The following TRPM3 variants were observed in gnomAD, a reference collection of about 807,000 sequenced individuals.
TRPM3 encodes the protein transient receptor potential cation channel subfamily M member 3.
A neutral mutation model predicts 181.2 loss-of-function variants in TRPM3; 77 were observed. The ratio of observed to expected loss-of-function variants is 0.42; its 90% confidence interval spans 0.35 to 0.51. The LOEUF (loss-of-function observed/expected upper bound fraction) is 0.51, where lower values mean the gene tolerates loss of function less well. TRPM3 is among the 20% of genes least tolerant of loss of function. The pLI is 0.01. For missense variants in TRPM3, 1,759 were observed against 2,196.7 expected (o/e 0.80, Z 3.98); for synonymous variants, 745 against 796.4 (o/e 0.94, Z 1.09).
At chr9:71,369,678 G>A (rs765919093) in intron 1 of TRPM3, among the ~76,000 whole-genome samples, 20 of 152,246 alleles carry the variant, frequency 1.3e-4, no homozygotes, top group Non-Finnish European at 2.4e-4. Context: ...CACCGCGCCC[G>A]GCCGGGAACA....
intron 6 of TRPM3, among the ~76,000 whole-genome samples, chr9:70,805,398 G>T (rs2131309657): frequency 6.6e-6 from 1 of 151,772 alleles, no homozygotes; most frequent in Admixed American, 6.5e-5. Context: ...GCCGGGCATA[G>T]TGGCGGGCGC....
intron 1 of TRPM3, among the ~76,000 whole-genome samples, chr9:71,300,057 A>G (rs1232891544): frequency 6.6e-6 from 1 of 152,100 alleles, no homozygotes; most frequent in Non-Finnish European, 1.5e-5. Context: ...TCGAATTGAC[A>G]ATTATCTCTG....
intron 20 of TRPM3, 99 bp from the exon 21 acceptor site, chr9:70,598,769 G>A: frequency 7.0e-7 from 1 of 1,428,120 alleles, no homozygotes; most frequent in Non-Finnish European, 9.5e-7. Context: ...TTAGTAGCTT[G>A]CTTTGTCTAC....
rs567298515 is a variant in TRPM3 at position 71,050,245 on chromosome 9, G to A, written c.177+70933C>T. Among the ~76,000 whole-genome samples, 270 of 152,236 alleles carry A rather than the reference G, an allele frequency of 1.8e-3. 1 individual carries two copies. The highest frequency in any genetic ancestry group is 2.9e-3 in the Non-Finnish European group (197 of 68,002). ...TATGGAATATGATGCTGGGGATGGA[G>A]GAGACTCCTAATTTTTATGCATATA... On this transcript the variant is annotated intron_variant, in intron 1 of 25. Coordinates refer to ENST00000677713, the MANE Select transcript of TRPM3 (RefSeq NM_001366145.2).
chr9:71,016,923 T>G (rs926269338), intron 1 of TRPM3, among the ~76,000 whole-genome samples: 2 of 152,166 alleles, frequency 1.3e-5, no homozygotes, highest in Admixed American at 6.5e-5. Flanking sequence ...TGTTTTTATT[T>G]TTTAAATAGA....
chr9:71,094,676 A>G (rs1238964387), intron 1 of TRPM3, among the ~76,000 whole-genome samples: 2 of 152,034 alleles, frequency 1.3e-5, no homozygotes, highest in Non-Finnish European at 2.9e-5. Context: ...AATCTTATAT[A>G]TAAGTCTGTT....
chr9:71,290,619 G>C (rs1249538515), intron 1 of TRPM3, among the ~76,000 whole-genome samples: 3 of 151,918 alleles, frequency 2.0e-5, no homozygotes. Flanking sequence ...TGATGGACAA[G>C]AATAATGTAT....
chr9:71,174,331 C>T (rs369281537), intron 1 of TRPM3, among the ~76,000 whole-genome samples: 67 of 152,222 alleles, frequency 4.4e-4, no homozygotes, highest in African/African-American at 1.5e-3. Context: ...CACCTGAGAT[C>T]AGGAGTTCAA....
chr9:70,585,486 T>C (rs1023815999), intron 22 of TRPM3, among the ~76,000 whole-genome samples: 3 of 152,174 alleles, frequency 2.0e-5, no homozygotes, highest in Non-Finnish European at 4.4e-5. Context: ...GGAATTCCCA[T>C]AGAAACCTCA....
chr9:70,956,637 A>G (rs1425006353), intron 1 of TRPM3, among the ~76,000 whole-genome samples: 1 of 152,176 alleles, frequency 6.6e-6, no homozygotes, highest in Non-Finnish European at 1.5e-5. Context: ...TAATCCCAGC[A>G]TTCTGGGAGG....
intron 1 of TRPM3, among the ~76,000 whole-genome samples, chr9:70,953,392 C>T (rs186793972): frequency 6.6e-6 from 1 of 152,132 alleles, no homozygotes; most frequent in East Asian, 1.9e-4. Context: ...TTCTGCTGGT[C>T]TCAAACAAAC....
At chr9:70,845,506 C>G (rs545272859) in intron 4 of TRPM3, among the ~76,000 whole-genome samples, 2 of 152,266 alleles carry the variant, frequency 1.3e-5, no homozygotes, top group African/African-American at 2.4e-5. Context: ...TCCCAAAGAG[C>G]TGGGATTACA....
intron 1 of TRPM3, among the ~76,000 whole-genome samples, chr9:71,286,974 AATT>A (rs1588301372): frequency 1.0e-5 from 1 of 99,436 alleles, no homozygotes; most frequent in East Asian, 2.0e-4. Flanking sequence ...TATATAATAT[AATT>A]ATATTATATA....
chr9:71,054,670 G>C (rs2060458171), intron 1 of TRPM3, among the ~76,000 whole-genome samples: 1 of 152,030 alleles, frequency 6.6e-6, no homozygotes. Flanking sequence ...TATATAGTTG[G>C]CATCCCCATG....
chr9:70,571,003 A>G (rs1564374074), intron 22 of TRPM3, among the ~76,000 whole-genome samples: 1 of 152,124 alleles, frequency 6.6e-6, no homozygotes, highest in South Asian at 2.1e-4. Flanking sequence ...GAATAACAGT[A>G]TCAGTTATTT....
chr9:71,341,552 C>T (rs2090961148), intron 1 of TRPM3, among the ~76,000 whole-genome samples: 1 of 151,626 alleles, frequency 6.6e-6, no homozygotes, highest in South Asian at 2.1e-4. Context: ...TTCAAAATTG[C>T]TAAGGTTACA....
At chr9:71,352,694 G>T (rs1298904795) in intron 1 of TRPM3, among the ~76,000 whole-genome samples, 1 of 151,838 alleles carries the variant, frequency 6.6e-6, no homozygotes, top group East Asian at 1.9e-4. Flanking sequence ...AAAGAAACAG[G>T]TCCTGCCATG....
intron 1 of TRPM3, among the ~76,000 whole-genome samples, chr9:70,991,693 T>C (rs2097488309): frequency 6.6e-6 from 1 of 151,976 alleles, no homozygotes; most frequent in Non-Finnish European, 1.5e-5. Context: ...GCTACTCCCT[T>C]AACTTAAATT....
rs543788438 is a variant in TRPM3 at position 71,018,026 on chromosome 9, C to A, written c.177+103152G>T. On this transcript the variant is annotated intron_variant, in intron 1 of 25. Coordinates refer to ENST00000677713, the MANE Select transcript of TRPM3 (RefSeq NM_001366145.2). ...AGGACTTCAAATAACAAAAAGATAA[C>A]TGAATGATCCCCCGCTGTTTAAGAT... 5.9e-5 allele frequency among the ~76,000 whole-genome samples: 9 copies of A among 151,882 alleles called. No individual in the cohort carries two copies. In the South Asian group the frequency reaches 1.9e-3, roughly 31 times the overall value.
Sources: gnomAD v4.1 joint callset for allele counts (sites outside exome capture counted in the v4.1 genomes callset) on GRCh38, gnomAD v4.1.1 for gene constraint, MANE v1.5 for transcripts, NCBI Gene and HGNC (gene_info 2026-07-23, HGNC 2026-07-21) for gene names.